The following RNF152 variants were observed in gnomAD, a reference collection of about 807,000 sequenced individuals.
RNF152 encodes E3 ubiquitin-protein ligase RNF152.
A neutral mutation model predicts 12.7 loss-of-function variants in RNF152; 11 were observed. The observed-to-expected ratio is 0.86, with a 90% confidence interval of 0.54 to 1.43. The LOEUF (loss-of-function observed/expected upper bound fraction) is 1.43, where lower values mean the gene tolerates loss of function less well. Among genes scored for constraint, RNF152 ranks in the 40% most tolerant of loss-of-function variants. RNF152 has a pLI of 0.00. For missense variants in RNF152, 255 were observed against 274.8 expected (o/e 0.93, Z 0.51); for synonymous variants, 113 against 120.3 (o/e 0.94, Z 0.40).
chr18:61,840,583 G>C (rs1648025068), intron 1 of RNF152, among the ~76,000 whole-genome samples: 1 of 152,028 alleles, frequency 6.6e-6, no homozygotes, highest in Admixed American at 6.5e-5. Context: ...TTCATAGATG[G>C]ATTTTCAGAG....
At position 61,814,278 on chromosome 18, in the gene RNF152, T is replaced by C. The variant is rs1189076577; in HGVS notation, c.*1574A>G. The C allele has an allele frequency of 1.3e-5, 2 of 152,238 alleles. No homozygotes were observed. Among genetic ancestry groups the C allele is most frequent in the Non-Finnish European group, 2.9e-5 (2 of 68,052 alleles). The allele number at this position is 152,238 out of a possible 1,614,324, so 9.4% of individuals were successfully genotyped here. A position where few individuals can be genotyped will look rare whatever the true frequency, so the allele number is the denominator to read the frequency against. ...CAGGGCTATTTTCTAGCCTTGCTTTTTGGAATTAGCCCTGCTTGTCTTTCC... is the reference window on the plus strand; with the variant it reads ...CAGGGCTATTTTCTAGCCTTGCTTTCTGGAATTAGCCCTGCTTGTCTTTCC... On this transcript the variant is annotated 3_prime_UTR_variant, in exon 2 of 2. Transcript: ENST00000312828.
At position 61,844,138 on chromosome 18, in the gene RNF152, G is replaced by T. The variant is rs563820331; in HGVS notation, c.-135-27540C>A. On this transcript the variant is annotated intron_variant, in intron 1 of 1. Transcript: ENST00000312828. ...AGAAAGAAAGAAAGAAAGAAAGAAAGAAATTAAGAGAAAAGGAAGGAAGGG... is the reference window on the plus strand; with the variant it reads ...AGAAAGAAAGAAAGAAAGAAAGAAATAAATTAAGAGAAAAGGAAGGAAGGG... Among the ~76,000 whole-genome samples the T allele has an allele frequency of 2.1e-3, 267 of 127,990 alleles. 1 individual carries two copies. The highest frequency in any genetic ancestry group is 8.1e-3 in the South Asian group (31 of 3,804). The allele number at this position is 127,990 out of a possible 152,430, so 84.0% of individuals were successfully genotyped here.
intron 1 of RNF152, among the ~76,000 whole-genome samples, chr18:61,817,738 A>G (rs1024803744): frequency 4.1e-5 from 5 of 122,412 alleles, no homozygotes; most frequent in African/African-American, 1.4e-4. Flanking sequence ...AGCATTCCTC[A>G]TTGTAAAAAA....
In RNF152 at chr18:61,808,105, G is replaced by A. The variant is rs955256727; in HGVS notation, c.*7747C>T. 11 of 151,958 alleles carry A rather than the reference G, an allele frequency of 7.2e-5. No individual in the cohort carries two copies. Among genetic ancestry groups the A allele is most frequent in the African/African-American group, 2.4e-4 (10 of 41,362 alleles). 9.4% of individuals were successfully genotyped at this position (151,958 alleles called of 1,614,324 possible). ...TATGAACTTTAATCATAGCAAATGT[G>A]TTTTTACGGTAGTCATAAAATCAAC... is the stretch of plus-strand genomic sequence containing the variant. On this transcript the variant is annotated 3_prime_UTR_variant, in exon 2 of 2. Coordinates refer to ENST00000312828, the MANE Select transcript of RNF152 (RefSeq NM_173557.3).
At chr18:61,881,253 G>T (rs1241012013) in intron 1 of RNF152, among the ~76,000 whole-genome samples, 1 of 151,994 alleles carries the variant, frequency 6.6e-6, no homozygotes, top group Non-Finnish European at 1.5e-5. Flanking sequence ...ATCAGCTTGG[G>T]GAAAACAAAA....
intron 1 of RNF152, among the ~76,000 whole-genome samples, chr18:61,844,106 G>GAAAGAAAGAAAGAAAGAAAGAAAGAA (rs1910613545): frequency 5.0e-5 from 7 of 138,934 alleles, no homozygotes; most frequent in South Asian, 4.8e-4. Context: ...AAGAAAGAAA[G>GAAAGAAAGAAAGAAAGAAAGAAAGAA]AAAGAAAGAA....
intron 1 of RNF152, among the ~76,000 whole-genome samples, chr18:61,877,248 A>T (rs1461996758): frequency 6.6e-6 from 1 of 152,234 alleles, no homozygotes. Context: ...AATACAATTG[A>T]TTGCAGCAGA....
chr18:61,837,622 G>A (rs1910248079), intron 1 of RNF152, among the ~76,000 whole-genome samples: 3 of 152,070 alleles, frequency 2.0e-5, no homozygotes, highest in Admixed American at 2.0e-4. Context: ...CCCTCATACA[G>A]ATCTCCATTC....
Position 61,811,546 on chromosome 18 carries a change from C to T in RNF152, c.*4306G>A, listed in dbSNP as rs142420867. 1.3e-5 allele frequency: 2 copies of T among 152,324 alleles called. No individual in the cohort carries two copies. The highest frequency in any genetic ancestry group is 4.8e-5 in the African/African-American group (2 of 41,574). The allele number at this position is 152,324 out of a possible 1,614,324, so 9.4% of individuals were successfully genotyped here. A position where few individuals can be genotyped will look rare whatever the true frequency, so the allele number is the denominator to read the frequency against. ...AATCTCATTCTAAAAATACTACCTA[C>T]ATTTTAGTTTGGCATCTGAAAAATG... On this transcript the variant is annotated 3_prime_UTR_variant, in exon 2 of 2. Coordinates refer to ENST00000312828, the MANE Select transcript of RNF152 (RefSeq NM_173557.3).
chr18:61,890,345 G>GC (rs1366305066), intron 1 of RNF152: 1 of 152,182 alleles, frequency 6.6e-6, no homozygotes, highest in East Asian at 1.9e-4. Context: ...CCCAGTTCTG[G>GC]CCAAAGTGAT....
intron 1 of RNF152, among the ~76,000 whole-genome samples, chr18:61,830,021 GCTT>G (rs1351312268): frequency 2.8e-5 from 4 of 140,526 alleles, no homozygotes; most frequent in Admixed American, 7.2e-5. Context: ...TTTCCAGAGA[GCTT>G]CTTTTTTTTT....
Position 61,808,897 on chromosome 18 carries a change from T to C in RNF152, c.*6955A>G, listed in dbSNP as rs1052839360. 2 of 152,216 alleles carry C rather than the reference T, an allele frequency of 1.3e-5. No homozygotes were observed. The highest frequency in any genetic ancestry group is 2.9e-5 in the Non-Finnish European group (2 of 68,030). 9.4% of individuals were successfully genotyped at this position (152,216 alleles called of 1,614,324 possible). On this transcript the variant is annotated 3_prime_UTR_variant, in exon 2 of 2. Transcript: ENST00000312828. ...GTGCTAACAATCCAAACCACGAGCA[T>C]AGGATAGGGTGATAGGGAAAATGGG...
intron 1 of RNF152, among the ~76,000 whole-genome samples, chr18:61,852,296 C>G (rs1334988396): frequency 1.3e-5 from 2 of 152,144 alleles, no homozygotes; most frequent in Admixed American, 6.5e-5. Flanking sequence ...CCTTTTCTCC[C>G]CTCACTACTG....
chr18:61,860,640 C>CTGTACTA (rs1366326687), intron 1 of RNF152, among the ~76,000 whole-genome samples: 6 of 152,344 alleles, frequency 3.9e-5, no homozygotes, highest in Non-Finnish European at 8.8e-5. Context: ...TCTGCATTTA[C>CTGTACTA]TGTACTATAT....
chr18:61,873,542 T>C (rs1568290602), intron 1 of RNF152, among the ~76,000 whole-genome samples: 1 of 151,976 alleles, frequency 6.6e-6, no homozygotes, highest in African/African-American at 2.4e-5. Context: ...ACCATGTTGG[T>C]CAGGCTGGTC....
intron 1 of RNF152, among the ~76,000 whole-genome samples, chr18:61,874,644 T>C: frequency 6.6e-6 from 1 of 152,330 alleles, no homozygotes; most frequent in East Asian, 1.9e-4. Flanking sequence ...TTATCAATTA[T>C]AGAACAGGTT....
At chr18:61,863,242 G>A (rs1171083005) in intron 1 of RNF152, among the ~76,000 whole-genome samples, 5 of 151,984 alleles carry the variant, frequency 3.3e-5, no homozygotes, top group East Asian at 1.9e-4. Flanking sequence ...AGACCATCCT[G>A]GCTAACACAG....
intron 1 of RNF152, among the ~76,000 whole-genome samples, chr18:61,887,567 A>T (rs1020451551): frequency 1.2e-4 from 18 of 152,002 alleles, no homozygotes; most frequent in Admixed American, 1.2e-3. Context: ...AAATAGAAAA[A>T]ATTATCCCAG....
intron 1 of RNF152, among the ~76,000 whole-genome samples, chr18:61,822,372 C>G (rs1311168601): frequency 2.0e-5 from 3 of 152,074 alleles, no homozygotes; most frequent in Non-Finnish European, 4.4e-5. Flanking sequence ...TTTTGAGGCC[C>G]TAGATATTTT....
Sources: allele counts gnomAD v4.1 joint callset (sites outside exome capture counted in the v4.1 genomes callset), GRCh38; gene constraint gnomAD v4.1.1; transcripts MANE v1.5; gene names NCBI Gene and HGNC (gene_info 2026-07-23, HGNC 2026-07-21).